The following DCP1B variants were observed in gnomAD, a reference collection of about 807,000 sequenced individuals.
The protein encoded by DCP1B is mRNA-decapping enzyme 1B.
A neutral mutation model predicts 60.5 loss-of-function variants in DCP1B; 47 were observed. The observed-to-expected ratio is 0.78, with a 90% CI of 0.61 to 0.99. The LOEUF (loss-of-function observed/expected upper bound fraction) is 0.99, where lower values mean the gene tolerates loss of function less well. DCP1B is among the 50% of genes least tolerant of loss of function. The pLI, the probability that DCP1B is intolerant of heterozygous loss-of-function variation, is 0.00. For missense variants in DCP1B, 725 were observed against 756.8 expected (o/e 0.96, Z 0.49); for synonymous variants, 267 against 280.3 (o/e 0.95, Z 0.47).
At chr12:1,984,322 G>A (rs2037023354) in intron 3 of DCP1B, among the ~76,000 whole-genome samples, 1 of 151,590 alleles carries the variant, frequency 6.6e-6, no homozygotes, top group Non-Finnish European at 1.5e-5. Context: ...CCTCTTTCTT[G>A]TCTTCTTTTG....
In DCP1B at chr12:1,948,528, A is replaced by T. The variant is rs145349910; in HGVS notation, c.1773+558T>A. On this transcript the variant is annotated intron_variant, in intron 8 of 8. Coordinates refer to ENST00000280665, the MANE Select transcript of DCP1B (RefSeq NM_152640.5). This position sits in a 1 kb window ranked among gnomAD's most constrained non-coding sequence, Gnocchi z 4.8. ...CTATTATAGCACTCATTATTATTTCATAATTTCATAGGCAAGTGAGGCTAG... is the reference window on the plus strand; with the variant it reads ...CTATTATAGCACTCATTATTATTTCTTAATTTCATAGGCAAGTGAGGCTAG... Among the ~76,000 whole-genome samples the T allele has an allele frequency of 1.3e-5, 2 of 152,334 alleles. No individual in the cohort carries two copies. Among genetic ancestry groups the T allele is most frequent in the Admixed American group, 6.5e-5 (1 of 15,304 alleles).
intron 5 of DCP1B, among the ~76,000 whole-genome samples, chr12:1,959,645 G>C (rs2031047516): frequency 6.6e-6 from 1 of 152,186 alleles, no homozygotes; most frequent in African/African-American, 2.4e-5. Context: ...GGGAATATTA[G>C]TTAGCATAGC....
chr12:1,976,885 TAAA>T (rs1365955171), intron 3 of DCP1B, among the ~76,000 whole-genome samples: 1 of 150,450 alleles, frequency 6.6e-6, no homozygotes, highest in Non-Finnish European at 1.5e-5. Flanking sequence ...AAGTAGGAAG[TAAA>T]GAAGGAAGAA....
intron 3 of DCP1B, among the ~76,000 whole-genome samples, chr12:1,985,345 CCTAT>C (rs2037398275): frequency 6.6e-6 from 1 of 152,108 alleles, no homozygotes; most frequent in Admixed American, 6.5e-5. Context: ...TTTCTATTGA[CCTAT>C]CTATGAGTTC....
At chr12:1,970,136 A>G (rs2031843644) in intron 3 of DCP1B, among the ~76,000 whole-genome samples, 1 of 152,232 alleles carries the variant, frequency 6.6e-6, no homozygotes, top group African/African-American at 2.4e-5. Context: ...AACTGTTGAT[A>G]CAAATAGAAA....
intron 3 of DCP1B, among the ~76,000 whole-genome samples, chr12:1,983,633 T>C (rs2036792111): frequency 6.6e-6 from 1 of 152,118 alleles, no homozygotes; most frequent in African/African-American, 2.4e-5. Flanking sequence ...GTTTGCTTTA[T>C]GACCTACGAT....
intron 3 of DCP1B, among the ~76,000 whole-genome samples, chr12:1,986,023 C>T (rs993328824): frequency 6.6e-6 from 1 of 152,156 alleles, no homozygotes; most frequent in African/African-American, 2.4e-5. Context: ...CCGTGTTAGC[C>T]AGGATGGTCT....
chr12:2,004,234 C>T (rs1383552555), intron 1 of DCP1B, 48 bp downstream of exon 1: 2 of 1,607,538 alleles, frequency 1.2e-6, no homozygotes, highest in Non-Finnish European at 1.7e-6. Context: ...ACGCCCCCCG[C>T]CTCCACCCCA....
intron 5 of DCP1B, among the ~76,000 whole-genome samples, chr12:1,956,585 T>C (rs1254785841): frequency 1.3e-5 from 2 of 152,228 alleles, no homozygotes; most frequent in Admixed American, 6.5e-5. Flanking sequence ...CCAGGCATTC[T>C]ATCAATAATT....
chr12:1,973,647 A>G (rs1170548905), intron 3 of DCP1B, among the ~76,000 whole-genome samples: 1 of 152,198 alleles, frequency 6.6e-6, no homozygotes, highest in Non-Finnish European at 1.5e-5. Context: ...ACCAAAGGTC[A>G]TATGGAATCT....
chr12:2,004,220 T>C (rs1041535754), intron 1 of DCP1B, 62 bp downstream of exon 1: 1 of 1,595,188 alleles, frequency 6.3e-7, no homozygotes, highest in Non-Finnish European at 8.5e-7. Flanking sequence ...AAGTCCTGAG[T>C]CTGACGCCCC....
Position 1,965,546 on chromosome 12 carries a change from G to A in DCP1B, c.522+12C>T, listed in dbSNP as rs1231675057. The A allele has an allele frequency of 6.2e-7, 1 of 1,608,206 alleles. No individual in the cohort carries two copies. The highest frequency in any genetic ancestry group is 2.2e-5 in the East Asian group (1 of 44,642). The stretch of plus-strand genomic sequence containing the variant: ...AAGTGTGTATGTATCACAAGGAAGG[G>A]CAAACACTCACCTTTGTGTATTCGT... On this transcript the variant is annotated intron_variant, in intron 5 of 8. Coordinates refer to ENST00000280665, the MANE Select transcript of DCP1B (RefSeq NM_152640.5).
Position 1,946,060 on chromosome 12 carries a change from A to C in DCP1B, c.*146T>G, listed in dbSNP as rs2030407426. ...AATTAAAAAACACTTGAGTATAAAA[A>C]AAAGTCTGAAACATTTTACTTCATA... On this transcript the variant is annotated 3_prime_UTR_variant, in exon 9 of 9. Coordinates refer to ENST00000280665, the MANE Select transcript of DCP1B (RefSeq NM_152640.5). 1.5e-5 allele frequency: 9 copies of C among 587,390 alleles called. No homozygotes were observed. In the South Asian group the frequency reaches 2.6e-4, roughly 17 times the overall value. 36.4% of individuals were successfully genotyped at this position (587,390 alleles called of 1,614,324 possible).
At chr12:1,990,265 T>C (rs1425487577) in intron 3 of DCP1B, among the ~76,000 whole-genome samples, 1 of 152,206 alleles carries the variant, frequency 6.6e-6, no homozygotes, top group Non-Finnish European at 1.5e-5. Flanking sequence ...AGACAGTAAA[T>C]GTTTGTTGAA....
rs962400579 is a variant in DCP1B, at chr12:1,953,306, A to G, written c.652-18T>C. The G allele has an allele frequency of 6.5e-7, 1 of 1,545,908 alleles. No homozygotes were observed. The highest frequency in any genetic ancestry group is 8.7e-7 in the Non-Finnish European group (1 of 1,154,308). ...TCTAAGGTCTGGAAAAAATAAAGATATCTGACATGAGTCTACAAACAATTT... is the reference window on the plus strand; with the variant it reads ...TCTAAGGTCTGGAAAAAATAAAGATGTCTGACATGAGTCTACAAACAATTT... On this transcript the variant is annotated intron_variant, in intron 6 of 8. Coordinates refer to ENST00000280665, the MANE Select transcript of DCP1B (RefSeq NM_152640.5).
Position 1,952,531 on chromosome 12 carries a change from C to CG in DCP1B, c.1408dup (p.Arg470ProfsTer7), listed in dbSNP as rs760471040. 5.6e-6 allele frequency: 9 copies of CG among 1,613,998 alleles called. No homozygotes were observed. In the African/African-American group the frequency reaches 1.2e-4, roughly 22 times the overall value. The stretch of plus-strand genomic sequence containing the variant: ...AGGAAACTTAGCGGCCAAGGCTGGC[C>CG]GGTTAGAGGCATGCAGCTGCTGCTC... On this transcript the variant is annotated frameshift_variant, in exon 7 of 9. Transcript: ENST00000280665. LOFTEE classifies it high-confidence loss of function.
chr12:1,973,115 G>A (rs979466309), intron 3 of DCP1B, among the ~76,000 whole-genome samples: 2 of 152,194 alleles, frequency 1.3e-5, no homozygotes, highest in African/African-American at 4.8e-5. Context: ...TAGCTTTACT[G>A]ACCAAACACG....
At chr12:1,999,342 GGC>G (rs1166933497) in intron 1 of DCP1B, among the ~76,000 whole-genome samples, 1 of 152,092 alleles carries the variant, frequency 6.6e-6, no homozygotes, top group Non-Finnish European at 1.5e-5. Flanking sequence ...AAGAGTAAAT[GGC>G]TATAAAAAAT....
chr12:1,985,798 T>C (rs562919030), intron 3 of DCP1B, among the ~76,000 whole-genome samples: 1 of 152,090 alleles, frequency 6.6e-6, no homozygotes, highest in Non-Finnish European at 1.5e-5. Context: ...ATGCTTCCCA[T>C]ATCAGTTCCA....
Sources: gnomAD v4.1 joint callset for allele counts (sites outside exome capture counted in the v4.1 genomes callset) on GRCh38, gnomAD v4.1.1 for gene constraint, Gnocchi (gnomAD v3.1) non-coding constraint, MANE v1.5 for transcripts, NCBI Gene and HGNC (gene_info 2026-07-23, HGNC 2026-07-21) for gene names.